Variants in UBE2E2 observed in about 807,000 individuals in gnomAD.
UBE2E2 encodes ubiquitin conjugating enzyme E2 E2.
Under a neutral mutation model 24.7 loss-of-function variants are expected in UBE2E2, and 6 were observed. That is an observed-to-expected ratio of 0.24 (90% CI 0.13 to 0.48). The LOEUF is 0.48. UBE2E2 is among the 20% of genes least tolerant of loss of function. The probability of loss-of-function intolerance (pLI) is 0.99; values close to 1 mark genes in which losing one functional copy is unlikely to be tolerated. For missense variants in UBE2E2, 169 were observed against 245.0 expected, an observed-to-expected ratio of 0.69 and a Z score of 2.07; for synonymous variants, 104 against 83.6, an observed-to-expected ratio of 1.24 and a Z score of -1.33.
chr3:23,423,302 A>AAAGTG (rs2125393338), intron 3 of UBE2E2, among the ~76,000 whole-genome samples: 1 of 152,354 alleles, frequency 6.6e-6, no homozygotes, highest in African/African-American at 2.4e-5. Flanking sequence ...ATACATTAGC[A>AAAGTG]AAGTGAAGTG....
chr3:23,327,305 TC>T (rs549184240), intron 3 of UBE2E2, among the ~76,000 whole-genome samples: 213 of 152,300 alleles, frequency 1.4e-3, no homozygotes, highest in African/African-American at 4.8e-3. Flanking sequence ...GTAAAAGTGT[TC>T]CTATTTCTCC....
At chr3:23,353,069 G>C (rs952338889) in intron 3 of UBE2E2, among the ~76,000 whole-genome samples, 4 of 152,144 alleles carry the variant, frequency 2.6e-5, no homozygotes, top group Admixed American at 6.5e-5. Flanking sequence ...GGGATGCAAG[G>C]CTGGTTCAAG....
intron 3 of UBE2E2, among the ~76,000 whole-genome samples, chr3:23,346,025 C>T (rs1189925968): frequency 6.6e-6 from 1 of 152,098 alleles, no homozygotes; most frequent in Non-Finnish European, 1.5e-5. Context: ...ATAATCAGTT[C>T]TGTGTGATTC....
chr3:23,552,850 A>G (rs1359946116), intron 5 of UBE2E2, among the ~76,000 whole-genome samples: 3 of 152,214 alleles, frequency 2.0e-5, no homozygotes, highest in African/African-American at 7.2e-5. Context: ...AAGATTAACT[A>G]AAATTGTCTT....
At chr3:23,354,551 A>T (rs995621462) in intron 3 of UBE2E2, among the ~76,000 whole-genome samples, 1 of 152,200 alleles carries the variant, frequency 6.6e-6, no homozygotes, top group Non-Finnish European at 1.5e-5. Flanking sequence ...AAACAACCCC[A>T]TCAAAAAGTG....
chr3:23,319,361 C>T (rs1284629609), intron 3 of UBE2E2, among the ~76,000 whole-genome samples: 1 of 152,168 alleles, frequency 6.6e-6, no homozygotes, highest in East Asian at 1.9e-4. Context: ...ACAAAATCTC[C>T]TTTAATGTTT....
At chr3:23,233,465 T>C (rs1444589231) in intron 3 of UBE2E2, among the ~76,000 whole-genome samples, 1 of 152,194 alleles carries the variant, frequency 6.6e-6, no homozygotes, top group Non-Finnish European at 1.5e-5. Flanking sequence ...GTTTACTGTT[T>C]TGTTGCATTA....
chr3:23,400,957 TAAG>T (rs150242035), intron 3 of UBE2E2, among the ~76,000 whole-genome samples: 23 of 152,304 alleles, frequency 1.5e-4, no homozygotes, highest in African/African-American at 5.3e-4. Flanking sequence ...AACAAATAAA[TAAG>T]AAAATAATCA....
At chr3:23,293,721 A>G (rs1041128360) in intron 3 of UBE2E2, among the ~76,000 whole-genome samples, 17 of 152,180 alleles carry the variant, frequency 1.1e-4, no homozygotes, top group African/African-American at 4.1e-4. Flanking sequence ...GCTCTTCTCC[A>G]TTTATTTCGT....
At chr3:23,426,295 G>A (rs192580809) in intron 3 of UBE2E2, among the ~76,000 whole-genome samples, 11 of 151,372 alleles carry the variant, frequency 7.3e-5, no homozygotes, top group Admixed American at 2.0e-4. Flanking sequence ...AATACCAAAC[G>A]AAGTAAAAAA....
intron 5 of UBE2E2, among the ~76,000 whole-genome samples, chr3:23,574,544 T>C (rs1696302367): frequency 6.6e-6 from 1 of 152,042 alleles, no homozygotes; most frequent in Admixed American, 6.6e-5. Context: ...AAATTATAAA[T>C]TTTTATAAAG....
At chr3:23,286,433 C>T (rs942139424) in intron 3 of UBE2E2, among the ~76,000 whole-genome samples, 1 of 152,102 alleles carries the variant, frequency 6.6e-6, no homozygotes, top group African/African-American at 2.4e-5. Context: ...ATGTTCTTGG[C>T]ACCTTTGTCA....
chr3:23,279,270 A>G (rs1349301028), intron 3 of UBE2E2, among the ~76,000 whole-genome samples: 2 of 152,136 alleles, frequency 1.3e-5, no homozygotes, highest in Non-Finnish European at 2.9e-5. Context: ...TGTGAGATCT[A>G]CCGGAGGAAG....
chr3:23,403,909 A>C (rs1697290809), intron 3 of UBE2E2, among the ~76,000 whole-genome samples: 1 of 152,050 alleles, frequency 6.6e-6, no homozygotes, highest in South Asian at 2.1e-4. Flanking sequence ...TGAAGAATTA[A>C]CCATGTCAGT....
intron 3 of UBE2E2, among the ~76,000 whole-genome samples, chr3:23,405,164 G>A (rs896356317): frequency 3.3e-5 from 5 of 152,240 alleles, no homozygotes; most frequent in East Asian, 1.9e-4. Flanking sequence ...GAAGTCATGC[G>A]AAACAGTATA....
rs141446812 is a variant in UBE2E2 at position 23,283,508 on chromosome 3, G to T, written c.227+66196G>T. Among the ~76,000 whole-genome samples the T allele has an allele frequency of 3.0e-4, 46 of 152,288 alleles. 1 individual carries two copies. Among genetic ancestry groups the T allele is most frequent in the Admixed American group, 2.4e-3 (36 of 15,294 alleles). ...CCAGCACTTTGGGAGGCCGAGGTGGGATCGCTTGAGCTCAGGAGTTCGAGC... is the reference window on the plus strand; with the variant it reads ...CCAGCACTTTGGGAGGCCGAGGTGGTATCGCTTGAGCTCAGGAGTTCGAGC... On this transcript the variant is annotated intron_variant, in intron 3 of 5. Coordinates refer to ENST00000396703, the MANE Select transcript of UBE2E2 (RefSeq NM_152653.4).
intron 3 of UBE2E2, among the ~76,000 whole-genome samples, chr3:23,312,699 A>T (rs974722721): frequency 3.9e-5 from 6 of 152,120 alleles, no homozygotes; most frequent in Non-Finnish European, 8.8e-5. Flanking sequence ...CCTAGTTAAG[A>T]TGCATCCTTG....
At chr3:23,584,512 A>G (rs1270285642) in intron 5 of UBE2E2, among the ~76,000 whole-genome samples, 1 of 151,866 alleles carries the variant, frequency 6.6e-6, no homozygotes, top group African/African-American at 2.4e-5. Context: ...CACATACCAC[A>G]GATCTCAAAA....
At chr3:23,354,611 A>T (rs1443928729) in intron 3 of UBE2E2, among the ~76,000 whole-genome samples, 2 of 152,204 alleles carry the variant, frequency 1.3e-5, no homozygotes, top group African/African-American at 4.8e-5. Flanking sequence ...TTATGCAGCC[A>T]AAAAACACGT....
Sources: gnomAD v4.1 joint callset for allele counts (sites outside exome capture counted in the v4.1 genomes callset) on GRCh38, gnomAD v4.1.1 for gene constraint, MANE v1.5 for transcripts, NCBI Gene and HGNC (gene_info 2026-07-23, HGNC 2026-07-21) for gene names.